ANKLE2: variants seen among roughly 807,000 people sequenced by gnomAD.
ANKLE2 encodes ankyrin repeat and LEM domain-containing protein 2.
ANKLE2 carries 55 observed loss-of-function variants against 84.2 expected under a neutral mutation model. The observed-to-expected ratio is 0.65, with a 90% CI of 0.53 to 0.82. The LOEUF is 0.82. Among genes scored for constraint, ANKLE2 ranks in the 40% least tolerant of loss-of-function variants. The pLI is 0.00. For missense variants in ANKLE2, 1,238 were observed against 1,201.9 expected, an observed-to-expected ratio of 1.03 and a Z score of -0.44; for synonymous variants, 551 against 486.1, an observed-to-expected ratio of 1.13 and a Z score of -1.76.
Position 132,729,917 on chromosome 12 carries a change from A to C in ANKLE2, c.2245T>G (p.Ser749Ala). ...LNLQNIGRSV[S>A]KTPDESTKTK... ...TTTGTACTTTCATCTGGTGTCTTGG[A>C]AACGCTACGTCCTATATTTTGCAAA... The change falls in exon 11 of 13, where the codon TCC becomes GCC. Residue 749 changes from serine (S) to alanine (A), a missense_variant. Ser to Ala is a moderately conservative substitution (Grantham distance 99, BLOSUM62 1). Coordinates refer to ENST00000357997, the MANE Select transcript of ANKLE2 (RefSeq NM_015114.3). 6.2e-7 allele frequency: 1 copy of C among 1,613,592 alleles called. No individual in the cohort carries two copies.
At chr12:132,745,673 G>T in intron 5 of ANKLE2, 1 of 174,136 alleles carries the variant, frequency 5.7e-6, no homozygotes, top group South Asian at 1.3e-4. Context: ...CTAAGGTCGT[G>T]GGTGACAGAG....
At position 132,754,847 on chromosome 12, in the gene ANKLE2, A is replaced by G. The variant is rs375283977; in HGVS notation, c.468T>C (p.Asp156=). ...TDQAGFSEDR[D]FGYSVGLNPP... ...GATTCAGGCCCACACTGTAACCAAA[A>G]TCTCTGTCTTCAGAAAAACCAGCCT... The change falls in exon 2 of 13, where the codon GAT becomes GAC. Residue 156 remains aspartate, a synonymous_variant. Transcript: ENST00000357997. 313 of 1,613,944 alleles carry G rather than the reference A, an allele frequency of 1.9e-4. No individual in the cohort carries two copies. Among genetic ancestry groups the G allele is most frequent in the Non-Finnish European group, 2.5e-4 (300 of 1,180,004 alleles).
Position 132,750,794 on chromosome 12 carries a change from GA to G in ANKLE2, c.695del (p.Ile232ThrfsTer39). 6.2e-7 allele frequency: 1 copy of G among 1,614,152 alleles called. No individual in the cohort carries two copies. Among genetic ancestry groups the G allele is most frequent in the Non-Finnish European group, 8.5e-7 (1 of 1,180,024 alleles). On this transcript the variant is annotated frameshift_variant, in exon 3 of 13. Coordinates refer to ENST00000357997, the MANE Select transcript of ANKLE2 (RefSeq NM_015114.3). LOFTEE classifies it high-confidence loss of function. ...KKEALQAVKM[I>X]KGSRFKAFST... ...AAAAAGCTTTAAATCGGGACCCTTT[GA>G]TCATCTTGACAGCTTGCAATGCTTC... is the stretch of plus-strand genomic sequence containing the variant.
chr12:132,755,355 C>A, intron 1 of ANKLE2: 1 of 440,576 alleles, frequency 2.3e-6, no homozygotes, highest in Admixed American at 4.1e-5. Context: ...ACCAGCCCGG[C>A]CAACATGGTG....
intron 3 of ANKLE2, among the ~76,000 whole-genome samples, 159 bp from the exon 4 acceptor site, chr12:132,748,490 C>T (rs984377261): frequency 2.6e-5 from 4 of 152,196 alleles, no homozygotes; most frequent in Non-Finnish European, 5.9e-5. Context: ...CGGCCACCGG[C>T]CCCAGCATGC....
At chr12:132,741,678 G>A (rs771274032) in intron 6 of ANKLE2, 193 bp from the exon 7 acceptor site, 2 of 670,706 alleles carry the variant, frequency 3.0e-6, no homozygotes, top group Non-Finnish European at 5.4e-6. Context: ...ACAGCTAGGA[G>A]AACACACTCT....
intron 3 of ANKLE2, chr12:132,749,117 T>C (rs2044302897): frequency 6.6e-6 from 1 of 152,086 alleles, no homozygotes; most frequent in Admixed American, 6.6e-5. Flanking sequence ...ACAGTGTGGC[T>C]GCAAAGGATT....
chr12:132,735,592 C>T lies in ANKLE2; in HGVS notation c.1594-80G>A, dbSNP rs80292633. ...CGGAAACCTGAAGAGCCGTCGTCAT[C>T]GCAGTAGCTGCCTGTCTCCGCACAC... On this transcript the variant is annotated intron_variant, in intron 8 of 12. Transcript: ENST00000357997. The T allele has an allele frequency of 5.4e-4, 625 of 1,156,794 alleles. 1 individual carries two copies. In the African/African-American group the frequency reaches 8.1e-3, roughly 15 times the overall value. The allele number at this position is 1,156,794 out of a possible 1,614,324, so 71.7% of individuals were successfully genotyped here.
intron 2 of ANKLE2, among the ~76,000 whole-genome samples, chr12:132,752,661 G>T (rs61951307): frequency 0.049 from 7,503 of 152,126 alleles, 293 homozygotes; most frequent in Admixed American, 0.12. Flanking sequence ...GAGCCACCGC[G>T]CCCGGCCCCT....
At chr12:132,748,390 C>T in intron 3 of ANKLE2, 59 bp from the exon 4 acceptor site, 1 of 1,582,564 alleles carries the variant, frequency 6.3e-7, no homozygotes, top group South Asian at 1.1e-5. Flanking sequence ...ACTCATCACC[C>T]ATGCACCCTC....
chr12:132,759,521 GT>G (rs2044571967), intron 1 of ANKLE2: 1 of 140,310 alleles, frequency 7.1e-6, no homozygotes, highest in African/African-American at 3.3e-5. Flanking sequence ...CTATATATAT[GT>G]ATACTATATG....
chr12:132,735,930 G>A (rs1289941047), intron 8 of ANKLE2, among the ~76,000 whole-genome samples: 1 of 152,178 alleles, frequency 6.6e-6, no homozygotes, highest in Admixed American at 6.5e-5. Flanking sequence ...AACCTTACCT[G>A]ATACCACCTA....
intron 6 of ANKLE2, chr12:132,741,771 A>AACTG: frequency 1.8e-6 from 1 of 555,750 alleles, no homozygotes; most frequent in Non-Finnish European, 3.4e-6. Context: ...GTACCAGCGC[A>AACTG]TCGAGTAAAA....
At chr12:132,747,000 G>A (rs542624268) in intron 5 of ANKLE2, among the ~76,000 whole-genome samples, 3 of 152,356 alleles carry the variant, frequency 2.0e-5, no homozygotes, top group African/African-American at 7.2e-5. Flanking sequence ...CCCTTTAGAA[G>A]AGCTGTGCCC....
At chr12:132,742,089 G>C (rs1272189935) in intron 6 of ANKLE2, 1 of 289,890 alleles carries the variant, frequency 3.4e-6, no homozygotes, top group Non-Finnish European at 6.8e-6. Context: ...TTTTGAGTCT[G>C]TACCTGATTG....
rs897376162 is a variant in ANKLE2, at chr12:132,734,293, C to T, written c.1891+92G>A. 25 of 1,358,984 alleles carry T rather than the reference C, an allele frequency of 1.8e-5. No individual in the cohort carries two copies. The Admixed American group carries it at 4.8e-4, about 26-fold the overall frequency. 84.2% of individuals were successfully genotyped at this position (1,358,984 alleles called of 1,614,324 possible). A position where few individuals can be genotyped will look rare whatever the true frequency, so the allele number is the denominator to read the frequency against. On this transcript the variant is annotated intron_variant, in intron 10 of 12. Coordinates refer to ENST00000357997, the MANE Select transcript of ANKLE2 (RefSeq NM_015114.3). The stretch of plus-strand genomic sequence containing the variant: ...GTACCAGACCTTTACGTTAAAAACA[C>T]CAAGAGACGAGAAACAGATGTGCGC...
At position 132,750,795 on chromosome 12, in the gene ANKLE2, A is replaced by T. The variant is rs779423662; in HGVS notation, c.695T>A (p.Ile232Asn). 6.2e-7 allele frequency: 1 copy of T among 1,614,192 alleles called. No homozygotes were observed. The highest frequency in any genetic ancestry group is 1.1e-5 in the South Asian group (1 of 91,080). The change falls in exon 3 of 13, where the codon ATC becomes AAC. Residue 232 changes from isoleucine to asparagine, a missense_variant. Transcript: ENST00000357997. ...KKEALQAVKM[I>N]KGSRFKAFST... Reference sequence around the variant, plus strand: ...AAAAGCTTTAAATCGGGACCCTTTGATCATCTTGACAGCTTGCAATGCTTC... The same window carrying T: ...AAAAGCTTTAAATCGGGACCCTTTGTTCATCTTGACAGCTTGCAATGCTTC...
intron 7 of ANKLE2, chr12:132,737,452 C>T (rs1020885986): frequency 1.4e-4 from 23 of 158,746 alleles, no homozygotes; most frequent in Non-Finnish European, 2.9e-4. Flanking sequence ...CGGTGGCTCA[C>T]GCCTGTAATC....
In ANKLE2 at chr12:132,755,059, T is replaced by C; in HGVS notation, c.256A>G (p.Lys86Glu). The part of the protein sequence containing the change: ...NPDDLREEIV[K>E]AGLKCGPITS... Reference sequence around the variant, plus strand: ...ATGGGTCCACATTTCAATCCGGCTTTGACGATTTCTTCTCTAAGGTCATCT... The same window carrying C: ...ATGGGTCCACATTTCAATCCGGCTTCGACGATTTCTTCTCTAAGGTCATCT... Residue 86 changes from lysine (K) to glutamate (E), a missense_variant, in exon 2 of 13, where the codon AAA (lysine) becomes GAA (glutamate). Transcript: ENST00000357997. The C allele has an allele frequency of 6.2e-7, 1 of 1,614,042 alleles. No homozygotes were observed. The highest frequency in any genetic ancestry group is 8.5e-7 in the Non-Finnish European group (1 of 1,180,028).
Sources: gnomAD v4.1 joint callset for allele counts (sites outside exome capture counted in the v4.1 genomes callset) on GRCh38, gnomAD v4.1.1 for gene constraint, MANE v1.5 for transcripts, NCBI Gene and HGNC (gene_info 2026-07-23, HGNC 2026-07-21) for gene names.